CNTNAP3B: variants seen among roughly 807,000 people sequenced by gnomAD.
CNTNAP3B encodes contactin-associated protein-like 3B.
A neutral mutation model predicts 108.9 loss-of-function variants in CNTNAP3B; 25 were observed. The observed-to-expected ratio is 0.23, with a 90% CI of 0.17 to 0.32. The LOEUF (loss-of-function observed/expected upper bound fraction) is 0.32, where lower values mean the gene tolerates loss of function less well. Among genes scored for constraint, CNTNAP3B ranks in the 10% least tolerant of loss-of-function variants. The pLI is 1.00. For missense variants in CNTNAP3B, 252 were observed against 1,210.4 expected (o/e 0.21, Z 11.75); for synonymous variants, 103 against 473.4 (o/e 0.22, Z 10.16).
In CNTNAP3B at chr9:42,061,051, T is replaced by C. The variant is rs1217591674; in HGVS notation, c.390+15818A>G. ...TTATTATTTCTTTCCTTCTTTAACT[T>C]TGAGCTTAGTTTGTTCTTGTTATTC... On this transcript the variant is annotated intron_variant, in intron 3 of 23. Transcript: ENST00000377561. Among the ~76,000 whole-genome samples the C allele has an allele frequency of 1.9e-5, 2 of 103,028 alleles. 1 individual carries two copies. The highest frequency in any genetic ancestry group is 8.1e-5 in the African/African-American group (2 of 24,628). 67.6% of individuals were successfully genotyped at this position (103,028 alleles called of 152,430 possible).
chr9:41,926,773 G>A (rs1192122216), intron 15 of CNTNAP3B: 8 of 152,424 alleles, frequency 5.2e-5, no homozygotes, highest in Admixed American at 4.6e-4. Context: ...ACTTTCAGAA[G>A]TCTTGCTGAA....
intron 13 of CNTNAP3B, among the ~76,000 whole-genome samples, chr9:41,943,188 T>C (rs1213237801): frequency 6.6e-6 from 1 of 152,278 alleles, no homozygotes; most frequent in Non-Finnish European, 1.5e-5. Context: ...GTAAACATTG[T>C]AGAGTGTCTT....
At position 42,125,713 on chromosome 9, in the gene CNTNAP3B, C is replaced by A. The variant is rs1206156763; in HGVS notation, c.85+3297G>T. Among the ~76,000 whole-genome samples the A allele has an allele frequency of 4.6e-5, 6 of 130,866 alleles. 2 individuals are homozygous for A. The East Asian group carries it at 1.2e-3, about 25-fold the overall frequency. 85.9% of individuals were successfully genotyped at this position (130,866 alleles called of 152,430 possible). A position where few individuals can be genotyped will look rare whatever the true frequency, so the allele number is the denominator to read the frequency against. On this transcript the variant is annotated intron_variant, in intron 1 of 23. Transcript: ENST00000377561. ...TGAGACAGAGTCTCACTCCGTCACC[C>A]AGGCTGGAGTGCAGTGGCACGATCT...
chr9:41,922,111 T>C, intron 17 of CNTNAP3B, among the ~76,000 whole-genome samples: 1 of 139,744 alleles, frequency 7.2e-6, no homozygotes, highest in Non-Finnish European at 1.5e-5. Context: ...TTACTCCACT[T>C]CTCTGAGGCT....
chr9:42,068,010 A>G (rs1295436034), intron 3 of CNTNAP3B, among the ~76,000 whole-genome samples: 1 of 139,674 alleles, frequency 7.2e-6, no homozygotes, highest in Non-Finnish European at 1.5e-5. Context: ...TTCAGTGTAG[A>G]AAAACACCCC....
Position 42,116,589 on chromosome 9 carries a change from T to A in CNTNAP3B, c.86-11850A>T, listed in dbSNP as rs1263292553. ...AAAACATGCCAAATTGTAAAGACCA[T>A]CAAGGCTAGGAAGAAACTGCATCAA... is the stretch of plus-strand genomic sequence containing the variant. On this transcript the variant is annotated intron_variant, in intron 1 of 23. Coordinates refer to ENST00000377561, the MANE Select transcript of CNTNAP3B (RefSeq NM_001201380.3). Among the ~76,000 whole-genome samples the A allele has an allele frequency of 1.4e-5, 2 of 138,782 alleles. 1 individual carries two copies. Among genetic ancestry groups the A allele is most frequent in the Non-Finnish European group, 3.1e-5 (2 of 64,892 alleles). The allele number at this position is 138,782 out of a possible 152,430, so 91.0% of individuals were successfully genotyped here.
At chr9:41,995,762 C>A (rs1423234671) in intron 7 of CNTNAP3B, among the ~76,000 whole-genome samples, 5 of 134,340 alleles carry the variant, frequency 3.7e-5, no homozygotes, top group African/African-American at 1.5e-4. Context: ...TTGGCCAGGC[C>A]CGGTGGCTCA....
chr9:41,925,093 A>T (rs1402662086), intron 15 of CNTNAP3B, among the ~76,000 whole-genome samples: 1 of 151,974 alleles, frequency 6.6e-6, no homozygotes, highest in African/African-American at 2.4e-5. Flanking sequence ...TCCAACATGA[A>T]GTTATTATTT....
In CNTNAP3B at chr9:42,117,957, C is replaced by T. The variant is rs1439216207; in HGVS notation, c.85+11053G>A. On this transcript the variant is annotated intron_variant, in intron 1 of 23. Transcript: ENST00000377561. Reference sequence around the variant, plus strand: ...TGGATAAATTCCTCGACACATACATCCTCCCAAGACTAAACCAGGAAAAAG... The same window carrying T: ...TGGATAAATTCCTCGACACATACATTCTCCCAAGACTAAACCAGGAAAAAG... Among the ~76,000 whole-genome samples the T allele has an allele frequency of 2.2e-5, 3 of 137,410 alleles. 1 individual carries two copies. Among genetic ancestry groups the T allele is most frequent in the Non-Finnish European group, 4.7e-5 (3 of 64,340 alleles). 90.1% of individuals were successfully genotyped at this position (137,410 alleles called of 152,430 possible).
chr9:42,119,618 G>A (rs1214066232), intron 1 of CNTNAP3B, among the ~76,000 whole-genome samples: 2 of 135,352 alleles, frequency 1.5e-5, no homozygotes, highest in Admixed American at 7.4e-5. Context: ...CATGGCACTG[G>A]TACCAAAACA....
chr9:41,966,689 T>G (rs11522000), intron 10 of CNTNAP3B, among the ~76,000 whole-genome samples: 1 of 150,220 alleles, frequency 6.7e-6, no homozygotes, highest in Non-Finnish European at 1.5e-5. Context: ...CTATCCTGGC[T>G]GGGTGTGGTG....
At chr9:42,061,455 C>G (rs1195475640) in intron 3 of CNTNAP3B, among the ~76,000 whole-genome samples, 1 of 134,702 alleles carries the variant, frequency 7.4e-6, no homozygotes, top group Non-Finnish European at 1.6e-5. Context: ...GTAGCTGGGA[C>G]AGCAGGCGAG....
At chr9:42,104,492 A>T in intron 2 of CNTNAP3B, 137 bp downstream of exon 2, 2 of 475,982 alleles carry the variant, frequency 4.2e-6, no homozygotes, top group East Asian at 5.1e-5. Context: ...ACATTCTTGG[A>T]GTTTCAAATG....
At position 42,128,368 on chromosome 9, in the gene CNTNAP3B, G is replaced by A. The variant is rs1828616477; in HGVS notation, c.85+642C>T. Among the ~76,000 whole-genome samples the A allele has an allele frequency of 2.2e-5, 3 of 136,196 alleles. 1 individual carries two copies. The highest frequency in any genetic ancestry group is 2.2e-4 in the Admixed American group (3 of 13,686). 89.3% of individuals were successfully genotyped at this position (136,196 alleles called of 152,430 possible). ...AATGTAAAATATTAGCATCCAGAGA[G>A]GAATCATTTTCAAGATCACCTAAAT... On this transcript the variant is annotated intron_variant, in intron 1 of 23. Coordinates refer to ENST00000377561, the MANE Select transcript of CNTNAP3B (RefSeq NM_001201380.3).
At chr9:41,931,790 T>A (rs1823986141) in intron 14 of CNTNAP3B, among the ~76,000 whole-genome samples, 1 of 144,860 alleles carries the variant, frequency 6.9e-6, no homozygotes. Context: ...TTTCCAATTC[T>A]GTGATCATCA....
chr9:41,965,248 T>G (rs1176226232), intron 10 of CNTNAP3B, among the ~76,000 whole-genome samples: 3 of 152,296 alleles, frequency 2.0e-5, no homozygotes, highest in Non-Finnish European at 4.4e-5. Flanking sequence ...TGCCTTTTTT[T>G]GCAGAAAACA....
intron 18 of CNTNAP3B, among the ~76,000 whole-genome samples, chr9:41,918,697 A>G (rs1305745452): frequency 7.0e-6 from 1 of 143,828 alleles, no homozygotes; most frequent in Non-Finnish European, 1.5e-5. Flanking sequence ...TTTGGGTTAT[A>G]AAATAACATT....
intron 11 of CNTNAP3B, among the ~76,000 whole-genome samples, chr9:41,961,909 G>A (rs1023356836): frequency 1.3e-5 from 2 of 152,296 alleles, no homozygotes; most frequent in African/African-American, 2.4e-5. Context: ...TTATTTTTGT[G>A]CCACTTATGG....
chr9:42,110,599 C>T (rs1231448410), intron 1 of CNTNAP3B, among the ~76,000 whole-genome samples: 1 of 136,804 alleles, frequency 7.3e-6, no homozygotes, highest in Non-Finnish European at 1.6e-5. Flanking sequence ...GTCAAATTCA[C>T]TAACTCCACA....
Sources: allele counts gnomAD v4.1 joint callset (sites outside exome capture counted in the v4.1 genomes callset), GRCh38; gene constraint gnomAD v4.1.1; transcripts MANE v1.5; gene names NCBI Gene and HGNC (gene_info 2026-07-23, HGNC 2026-07-21).